KCNT2: variants seen among roughly 807,000 people sequenced by gnomAD.
KCNT2 encodes potassium channel subfamily T member 2.
Under a neutral mutation model 153.8 loss-of-function variants are expected in KCNT2, and 67 were observed. The ratio of observed to expected loss-of-function variants is 0.44; its 90% CI spans 0.36 to 0.53. The LOEUF is 0.53. Among genes scored for constraint, KCNT2 ranks in the 20% least tolerant of loss-of-function variants. The probability of loss-of-function intolerance (pLI) is 0.00; values close to 1 mark genes in which losing one functional copy is unlikely to be tolerated. For missense variants in KCNT2, 975 were observed against 1,354.8 expected, an observed-to-expected ratio of 0.72 and a Z score of 4.40; for synonymous variants, 500 against 458.8, an observed-to-expected ratio of 1.09 and a Z score of -1.15.
chr1:196,508,895 T>C (rs554307422), intron 1 of KCNT2, among the ~76,000 whole-genome samples: 1 of 152,360 alleles, frequency 6.6e-6, no homozygotes, highest in Non-Finnish European at 1.5e-5. Flanking sequence ...TAGATATTTA[T>C]GTATTTACAA....
chr1:196,297,153 T>C (rs1381828338), intron 22 of KCNT2, among the ~76,000 whole-genome samples: 1 of 152,058 alleles, frequency 6.6e-6, no homozygotes, highest in Non-Finnish European at 1.5e-5. Context: ...TGTGTGTGTG[T>C]GCATATGTTT....
chr1:196,519,002 C>T (rs1469196613), intron 1 of KCNT2, among the ~76,000 whole-genome samples: 3 of 152,058 alleles, frequency 2.0e-5, no homozygotes, highest in Non-Finnish European at 4.4e-5. Flanking sequence ...CTTCTCATTG[C>T]CACAAGGCAC....
chr1:196,239,513 C>T lies in KCNT2; in HGVS notation c.3212-3443G>A, dbSNP rs115342664. Among the ~76,000 whole-genome samples the T allele has an allele frequency of 3.2e-3, 489 of 151,876 alleles. 2 individuals carry two copies. Among genetic ancestry groups the T allele is most frequent in the African/African-American group, 0.012 (479 of 41,504 alleles). On this transcript the variant is annotated intron_variant, in intron 26 of 27. Coordinates refer to ENST00000294725, the MANE Select transcript of KCNT2 (RefSeq NM_198503.5). ...CTTAGAGTAGTTTGTGTAAATAGAT[C>T]ACATTAGAAAAGGGACAGAATCATA...
At chr1:196,261,844 CAAAATTT>C (rs1400559230) in intron 25 of KCNT2, among the ~76,000 whole-genome samples, 1 of 151,652 alleles carries the variant, frequency 6.6e-6, no homozygotes, top group African/African-American at 2.4e-5. Flanking sequence ...CTTGAAAAAT[CAAAATTT>C]AATACTAATG....
At chr1:196,487,293 C>G (rs967099258) in intron 3 of KCNT2, among the ~76,000 whole-genome samples, 1 of 151,874 alleles carries the variant, frequency 6.6e-6, no homozygotes, top group African/African-American at 2.4e-5. Context: ...AACATATATG[C>G]CTTCTCCAAG....
intron 1 of KCNT2, among the ~76,000 whole-genome samples, chr1:196,503,611 C>A (rs980082425): frequency 2.6e-5 from 4 of 152,050 alleles, no homozygotes; most frequent in African/African-American, 9.7e-5. Context: ...AGGAATGGCA[C>A]AGTTAAATAT....
At chr1:196,410,796 C>T (rs1297730956) in intron 12 of KCNT2, among the ~76,000 whole-genome samples, 1 of 151,372 alleles carries the variant, frequency 6.6e-6, no homozygotes, top group Non-Finnish European at 1.5e-5. Context: ...AGACCAAAGT[C>T]AAGCTTTTCC....
At chr1:196,347,471 C>T (rs1295668437) in intron 14 of KCNT2, among the ~76,000 whole-genome samples, 1 of 152,168 alleles carries the variant, frequency 6.6e-6, no homozygotes, top group East Asian at 1.9e-4. Flanking sequence ...CCTCCATCAT[C>T]AATTCTTACA....
chr1:196,476,292 T>C (rs1186878579), intron 5 of KCNT2, among the ~76,000 whole-genome samples: 1 of 152,296 alleles, frequency 6.6e-6, no homozygotes, highest in Non-Finnish European at 1.5e-5. Context: ...CCATTATTTA[T>C]ATATTACATT....
At chr1:196,277,357 G>A (rs551425323) in intron 25 of KCNT2, among the ~76,000 whole-genome samples, 81 of 152,180 alleles carry the variant, frequency 5.3e-4, no homozygotes, top group African/African-American at 1.8e-3. Context: ...TATTTTTAGG[G>A]CCTTCCACGT....
In KCNT2 at chr1:196,361,564, G is replaced by A. The variant is rs113573026; in HGVS notation, c.1403+11576C>T. On this transcript the variant is annotated intron_variant, in intron 14 of 27. Coordinates refer to ENST00000294725, the MANE Select transcript of KCNT2 (RefSeq NM_198503.5). ...GCTGTTGTCAGCAGCTAGATAATAA[G>A]TAGCTACACTGTCTACCTGAGAAGT... Among the ~76,000 whole-genome samples, 842 of 152,144 alleles carry A rather than the reference G, an allele frequency of 5.5e-3. 9 individuals carry two copies. Among genetic ancestry groups the A allele is most frequent in the African/African-American group, 0.019 (798 of 41,536 alleles).
intron 1 of KCNT2, among the ~76,000 whole-genome samples, chr1:196,535,986 T>G (rs958551686): frequency 3.3e-5 from 5 of 152,052 alleles, no homozygotes; most frequent in African/African-American, 9.7e-5. Context: ...TCCCTTACAC[T>G]CCACCCCCTA....
chr1:196,449,072 G>GCAAACAAA (rs1004705756), intron 8 of KCNT2, among the ~76,000 whole-genome samples: 1 of 151,442 alleles, frequency 6.6e-6, no homozygotes, highest in South Asian at 2.1e-4. Flanking sequence ...TTAGAGAAAG[G>GCAAACAAA]CAAACAAACA....
chr1:196,286,526 A>G (rs1659670128), intron 22 of KCNT2, among the ~76,000 whole-genome samples: 1 of 151,942 alleles, frequency 6.6e-6, no homozygotes, highest in Non-Finnish European at 1.5e-5. Context: ...TACATCCAGT[A>G]GTCTCTAGCT....
chr1:196,504,577 T>C (rs1453176512), intron 1 of KCNT2, among the ~76,000 whole-genome samples: 1 of 152,154 alleles, frequency 6.6e-6, no homozygotes, highest in Admixed American at 6.5e-5. Context: ...CAGCATGATT[T>C]ATAGTCCTTT....
chr1:196,266,221 G>T (rs564157), intron 25 of KCNT2, among the ~76,000 whole-genome samples: 112,844 of 152,020 alleles, frequency 0.74, 43,761 homozygotes, highest in East Asian at 0.94. Flanking sequence ...TTCCTGAGAC[G>T]CACCCATTGG....
chr1:196,561,461 G>A (rs1238598376), intron 1 of KCNT2, among the ~76,000 whole-genome samples: 2 of 151,020 alleles, frequency 1.3e-5, no homozygotes, highest in African/African-American at 4.9e-5. Flanking sequence ...GGATCTGGTG[G>A]TGCGTTGGAT....
intron 26 of KCNT2, among the ~76,000 whole-genome samples, chr1:196,246,565 G>T (rs932883971): frequency 1.3e-5 from 2 of 151,990 alleles, no homozygotes; most frequent in African/African-American, 4.8e-5. Flanking sequence ...AATTTTTCCA[G>T]TTTTCAGGAC....
intron 21 of KCNT2, among the ~76,000 whole-genome samples, chr1:196,312,840 C>T (rs963302657): frequency 1.3e-5 from 2 of 151,714 alleles, no homozygotes; most frequent in Non-Finnish European, 2.9e-5. Context: ...GGGCCCAAAG[C>T]TTTAATCCTA....
Sources: gnomAD v4.1 joint callset for allele counts (sites outside exome capture counted in the v4.1 genomes callset) on GRCh38, gnomAD v4.1.1 for gene constraint, MANE v1.5 for transcripts, NCBI Gene and HGNC (gene_info 2026-07-23, HGNC 2026-07-21) for gene names.